Variants in ZNF540 observed in about 807,000 individuals in gnomAD.
ZNF540 encodes the protein CTD-3064H18.6.
Under a neutral mutation model 11.8 loss-of-function variants are expected in ZNF540, and 3 were observed. That is an observed-to-expected ratio of 0.25 (90% CI 0.12 to 0.65). The LOEUF is 0.65. Ranked by LOEUF, ZNF540 falls within the 30% of genes least tolerant of loss-of-function variation. The probability of loss-of-function intolerance (pLI) is 0.83; values close to 1 mark genes in which losing one functional copy is unlikely to be tolerated. For synonymous variants in ZNF540, 247 were observed against 259.0 expected (o/e 0.95, Z 0.45); for missense variants, 709 against 793.1 (o/e 0.89, Z 1.27).
intron 1 of ZNF540, chr19:37,555,941 TGTCCAATCA>T: frequency 1.4e-6 from 1 of 700,808 alleles, no homozygotes. Flanking sequence ...AAGTTACACA[TGTCCAATCA>T]GGGCAGAAAA....
At chr19:37,590,938 T>C (rs977316468), upstream of ZNF540, among the ~76,000 whole-genome samples, 11 of 152,244 alleles carry the variant, frequency 7.2e-5, no homozygotes, top group Admixed American at 5.9e-4. Flanking sequence ...CAAACAATTA[T>C]ATTTTAGAAT....
intron 1 of ZNF540, among the ~76,000 whole-genome samples, chr19:37,582,312 T>C (rs1374360318): frequency 1.3e-5 from 2 of 152,204 alleles, no homozygotes; most frequent in Admixed American, 1.3e-4. Flanking sequence ...GCGTTCCTCT[T>C]ACTTGAACTC....
chr19:37,563,153 C>A (rs936753855), intron 1 of ZNF540: 1 of 151,508 alleles, frequency 6.6e-6, no homozygotes, highest in Admixed American at 6.6e-5. Context: ...CATAGTGAGA[C>A]CCCATCTCTA....
chr19:37,580,413 T>G (rs1196984620), intron 1 of ZNF540, among the ~76,000 whole-genome samples: 1 of 152,262 alleles, frequency 6.6e-6, no homozygotes, highest in Admixed American at 6.5e-5. Flanking sequence ...TATTTGTAGG[T>G]GTTAGCTTGA....
rs975407112 is a variant in ZNF540, at chr19:37,614,039, T to C, written c.*776T>C. ...ACCAGAACCCAAGCATGCTGGCACC[T>C]TGACCTTGGACTTTCAGCCTCCAAA... On this transcript the variant is annotated 3_prime_UTR_variant, in exon 5 of 5. Coordinates refer to ENST00000316433, the MANE Select transcript of ZNF540 (RefSeq NM_001172225.3). 2 of 394,808 alleles carry C rather than the reference T, an allele frequency of 5.1e-6. No individual in the cohort carries two copies. The highest frequency in any genetic ancestry group is 2.1e-5 in the African/African-American group (1 of 48,552). 24.5% of individuals were successfully genotyped at this position (394,808 alleles called of 1,614,324 possible).
chr19:37,558,110 G>A (rs756906676), intron 1 of ZNF540, among the ~76,000 whole-genome samples: 2 of 152,136 alleles, frequency 1.3e-5, no homozygotes, highest in Non-Finnish European at 2.9e-5. Flanking sequence ...CAAAAAGCCT[G>A]TTCTTGTGTG....
intron 3 of ZNF540, among the ~76,000 whole-genome samples, chr19:37,600,258 T>C (rs955231910): frequency 6.6e-6 from 1 of 152,246 alleles, no homozygotes; most frequent in Non-Finnish European, 1.5e-5. Context: ...AAATTTTACC[T>C]ATTGGACATT....
At chr19:37,573,607 G>A (rs1347245418) in intron 1 of ZNF540, among the ~76,000 whole-genome samples, 1 of 150,546 alleles carries the variant, frequency 6.6e-6, no homozygotes, top group Non-Finnish European at 1.5e-5. Flanking sequence ...CAGGAGGATC[G>A]CTTGGACCCA....
rs141866022 is a variant in ZNF540 at position 37,564,726 on chromosome 19, T to C, written c.-73+13061T>C. On this transcript the variant is annotated intron_variant, in intron 1 of 4. Coordinates refer to the ZNF540 transcript ENST00000592533. ...TGCAGAGTAAGTTCTGAGCCACGAC[T>C]AAAGGCCCTCCCACATTCCTTACAT... The C allele has an allele frequency of 1.0e-4, 161 of 1,613,638 alleles. 2 individuals carry two copies. The African/African-American group carries it at 1.6e-3, about 16-fold the overall frequency.
intron 1 of ZNF540, among the ~76,000 whole-genome samples, chr19:37,596,605 T>G (rs1242005561): frequency 6.6e-6 from 1 of 152,256 alleles, no homozygotes; most frequent in Non-Finnish European, 1.5e-5. Context: ...AAAATTAGTC[T>G]ATCTGCACCT....
chr19:37,565,899 T>G, intron 1 of ZNF540: 1 of 1,613,950 alleles, frequency 6.2e-7, no homozygotes, highest in Non-Finnish European at 8.5e-7. Flanking sequence ...GGCTTTTTGC[T>G]AAAGGTATTC....
intron 2 of ZNF540, among the ~76,000 whole-genome samples, chr19:37,598,939 G>A (rs999686030): frequency 2.6e-5 from 4 of 152,210 alleles, no homozygotes; most frequent in Middle Eastern, 3.4e-3. Flanking sequence ...GTGGTTAAAC[G>A]GAATGTGCTA....
chr19:37,593,657 C>T (rs1275642175), upstream of ZNF540, among the ~76,000 whole-genome samples: 1 of 152,066 alleles, frequency 6.6e-6, no homozygotes, highest in Non-Finnish European at 1.5e-5. Flanking sequence ...GAGCCGAGAC[C>T]GCACCACCGC....
intron 4 of ZNF540, 101 bp downstream of exon 4, chr19:37,601,206 C>G: frequency 1.1e-6 from 1 of 920,624 alleles, no homozygotes; most frequent in Admixed American, 2.8e-5. Context: ...TAGGGAGTTA[C>G]TCTCAGAGGC....
intron 1 of ZNF540, chr19:37,575,560 T>C (rs555536828): frequency 6.6e-6 from 1 of 152,386 alleles, no homozygotes; most frequent in South Asian, 2.1e-4. Context: ...GCTTGAGATG[T>C]GTCCCACTTC....
intron 1 of ZNF540, among the ~76,000 whole-genome samples, chr19:37,581,605 C>T (rs2043468345): frequency 6.6e-6 from 1 of 151,856 alleles, no homozygotes; most frequent in East Asian, 1.9e-4. Flanking sequence ...GCTAGGACCA[C>T]AGGCATGTGA....
At position 37,584,758 on chromosome 19, in the gene ZNF540, C is replaced by G. The variant is rs983918077; in HGVS notation, c.-72-13618C>G. Among the ~76,000 whole-genome samples, 6 of 151,944 alleles carry G rather than the reference C, an allele frequency of 3.9e-5. No individual in the cohort carries two copies. In the South Asian group the frequency reaches 6.2e-4, roughly 16 times the overall value. On this transcript the variant is annotated intron_variant, in intron 1 of 4. Transcript: ENST00000592533. ...CGGGCGGATCACGAGGTCAGGAGAT[C>G]GAGACCATCCTGGCTAACACGGTGA...
chr19:37,594,762 C>T (rs1263250398), upstream of ZNF540: 2 of 152,172 alleles, frequency 1.3e-5, no homozygotes, highest in Non-Finnish European at 2.9e-5. Flanking sequence ...AGACAAGCTC[C>T]GTGCGTCAAG....
chr19:37,584,789 C>T (rs1160014189), intron 1 of ZNF540, among the ~76,000 whole-genome samples: 4 of 151,742 alleles, frequency 2.6e-5, no homozygotes, highest in African/African-American at 9.7e-5. Flanking sequence ...GGTGAAACCC[C>T]GTCTCTACTA....
Sources: gnomAD v4.1 joint callset for allele counts (sites outside exome capture counted in the v4.1 genomes callset) on GRCh38, gnomAD v4.1.1 for gene constraint, MANE v1.5 for transcripts, NCBI Gene and HGNC (gene_info 2026-07-23, HGNC 2026-07-21) for gene names.